The following HECW2 variants were observed in gnomAD, a reference collection of about 807,000 sequenced individuals.
HECW2 encodes the protein E3 ubiquitin-protein ligase HECW2.
HECW2 carries 61 observed loss-of-function variants against 175.2 expected under a neutral mutation model. The ratio of observed to expected loss-of-function variants is 0.35; its 90% CI spans 0.28 to 0.43. The LOEUF (loss-of-function observed/expected upper bound fraction) is 0.43, where lower values mean the gene tolerates loss of function less well. Ranked by LOEUF, HECW2 falls within the 20% of genes least tolerant of loss-of-function variation. HECW2 has a pLI of 1.00. For synonymous variants in HECW2, 671 were observed against 731.0 expected, an observed-to-expected ratio of 0.92 and a Z score of 1.32; for missense variants, 1,524 against 2,000.5, an observed-to-expected ratio of 0.76 and a Z score of 4.54.
At chr2:196,367,657 C>G (rs530843845) in intron 2 of HECW2, among the ~76,000 whole-genome samples, 4 of 152,102 alleles carry the variant, frequency 2.6e-5, no homozygotes, top group African/African-American at 9.7e-5. Flanking sequence ...CCTTCCCAGC[C>G]TCTGGTAACC....
chr2:196,289,662 C>T (rs61708978), intron 14 of HECW2: 39,052 of 152,070 alleles, frequency 0.26, 5,914 homozygotes, highest in African/African-American at 0.42. Flanking sequence ...TATCTGTGAA[C>T]AGCCACTGTA....
At chr2:196,219,016 C>T (rs963763619) in intron 26 of HECW2, among the ~76,000 whole-genome samples, 3 of 152,154 alleles carry the variant, frequency 2.0e-5, no homozygotes, top group African/African-American at 7.2e-5. Flanking sequence ...AGCAATTTAG[C>T]AAATGTTAAG....
chr2:196,214,025 G>A (rs2105796468), intron 28 of HECW2, among the ~76,000 whole-genome samples: 1 of 152,316 alleles, frequency 6.6e-6, no homozygotes, highest in East Asian at 1.9e-4. Flanking sequence ...TGCCTGATAT[G>A]TATTACAGAT....
chr2:196,433,594 T>A, intron 1 of HECW2, 136 bp from the exon 2 acceptor site: 2 of 676,320 alleles, frequency 3.0e-6, no homozygotes, highest in Non-Finnish European at 4.9e-6. Context: ...AAATAAAACC[T>A]ATTATTCTAC....
intron 10 of HECW2, among the ~76,000 whole-genome samples, chr2:196,309,369 C>A (rs1444058770): frequency 6.6e-6 from 1 of 152,174 alleles, no homozygotes; most frequent in East Asian, 1.9e-4. Context: ...AACTCAATGC[C>A]ATTCATGTTC....
intron 2 of HECW2, among the ~76,000 whole-genome samples, chr2:196,399,386 G>A (rs1694756970): frequency 6.6e-6 from 1 of 152,186 alleles, no homozygotes; most frequent in Non-Finnish European, 1.5e-5. Flanking sequence ...ACTACTCTGG[G>A]CTAAACTGCC....
chr2:196,252,814 T>C (rs1283911616), intron 19 of HECW2, among the ~76,000 whole-genome samples: 1 of 152,242 alleles, frequency 6.6e-6, no homozygotes, highest in Non-Finnish European at 1.5e-5. Context: ...GGTAAACTCC[T>C]ATTCATCATT....
intron 19 of HECW2, among the ~76,000 whole-genome samples, chr2:196,246,048 A>C (rs1400709280): frequency 6.6e-6 from 1 of 152,238 alleles, no homozygotes; most frequent in Non-Finnish European, 1.5e-5. Context: ...TAAGAAGGTC[A>C]AACATCACCA....
At chr2:196,202,754 A>G (rs1464276217) in intron 28 of HECW2, among the ~76,000 whole-genome samples, 2 of 152,180 alleles carry the variant, frequency 1.3e-5, no homozygotes, top group Admixed American at 6.5e-5. Flanking sequence ...AGGAATGTGA[A>G]CAGGATCTGT....
chr2:196,350,992 C>T (rs1436892584), intron 2 of HECW2, among the ~76,000 whole-genome samples: 1 of 152,150 alleles, frequency 6.6e-6, no homozygotes, highest in Non-Finnish European at 1.5e-5. Flanking sequence ...TATTTCTTTA[C>T]CTTCCACAGT....
chr2:196,477,198 G>A (rs2125365213), intron 1 of HECW2, among the ~76,000 whole-genome samples: 1 of 149,994 alleles, frequency 6.7e-6, no homozygotes, highest in Middle Eastern at 3.5e-3. Context: ...CTTATTAAAA[G>A]AAAAAGCTAA....
chr2:196,232,266 C>T (rs1262873843), intron 21 of HECW2, among the ~76,000 whole-genome samples: 2 of 152,182 alleles, frequency 1.3e-5, no homozygotes, highest in Non-Finnish European at 2.9e-5. Context: ...TTAGAAGTAT[C>T]AGGGTTTCTT....
At chr2:196,328,202 A>G (rs6746439) in intron 5 of HECW2, among the ~76,000 whole-genome samples, 6,637 of 152,218 alleles carry the variant, frequency 0.044, 517 homozygotes, top group African/African-American at 0.15. Context: ...CAGACCCTCA[A>G]TACTGTGAAG....
At chr2:196,481,829 A>G (rs2125372870) in intron 1 of HECW2, among the ~76,000 whole-genome samples, 1 of 152,310 alleles carries the variant, frequency 6.6e-6, no homozygotes, top group East Asian at 1.9e-4. Flanking sequence ...AAAGGGACTT[A>G]CATGCTCTTA....
Position 196,411,674 on chromosome 2 carries a change from A to G in HECW2, c.292+21458T>C, listed in dbSNP as rs57285981. 4.0e-3 allele frequency among the ~76,000 whole-genome samples: 617 copies of G among 152,372 alleles called. 6 individuals are homozygous for G. Among genetic ancestry groups the G allele is most frequent in the African/African-American group, 0.014 (579 of 41,594 alleles). On this transcript the variant is annotated intron_variant, in intron 2 of 28. Coordinates refer to ENST00000644978, the MANE Select transcript of HECW2 (RefSeq NM_001348768.2). Reference sequence around the variant, plus strand: ...GGCCAACAAGGCCTTAAAGCTCAAGAGGAGGCATTTTTAATTAGAAACTTG... The same window carrying G: ...GGCCAACAAGGCCTTAAAGCTCAAGGGGAGGCATTTTTAATTAGAAACTTG...
chr2:196,415,279 G>A (rs1695223681), intron 2 of HECW2, among the ~76,000 whole-genome samples: 1 of 152,152 alleles, frequency 6.6e-6, no homozygotes, highest in Non-Finnish European at 1.5e-5. Context: ...AGTGTAGTAG[G>A]AGTCAAAATC....
chr2:196,270,257 A>G (rs1689677896), intron 17 of HECW2, among the ~76,000 whole-genome samples: 1 of 152,206 alleles, frequency 6.6e-6, no homozygotes, highest in Non-Finnish European at 1.5e-5. Flanking sequence ...AGTGGAGTTG[A>G]AAGATTTCAA....
At chr2:196,584,541 T>C (rs1234881302) in intron 1 of HECW2, among the ~76,000 whole-genome samples, 3 of 151,896 alleles carry the variant, frequency 2.0e-5, no homozygotes, top group Non-Finnish European at 2.9e-5. Flanking sequence ...CTGTTGACCA[T>C]GGCAGACAAG....
chr2:196,208,813 G>A (rs896567072), intron 28 of HECW2, among the ~76,000 whole-genome samples: 4 of 152,198 alleles, frequency 2.6e-5, no homozygotes, highest in African/African-American at 9.6e-5. Context: ...TGCAGGAGGA[G>A]GCAGACCAGG....
Sources: gnomAD v4.1 joint callset for allele counts (sites outside exome capture counted in the v4.1 genomes callset) on GRCh38, gnomAD v4.1.1 for gene constraint, MANE v1.5 for transcripts, NCBI Gene and HGNC (gene_info 2026-07-23, HGNC 2026-07-21) for gene names.